SYNE1: variants seen among roughly 807,000 people sequenced by gnomAD.
The protein encoded by SYNE1 is spectrin repeat containing nuclear envelope protein 1, also known as nesprin-1.
SYNE1 carries 616 observed loss-of-function variants against 1,111.0 expected under a neutral mutation model. That is an observed-to-expected ratio of 0.55 (90% CI 0.52 to 0.59). SYNE1 has a LOEUF of 0.59. Ranked by LOEUF, SYNE1 falls within the 20% of genes least tolerant of loss-of-function variation. The pLI is 0.00. For synonymous variants in SYNE1, 3,855 were observed against 3,825.8 expected, an observed-to-expected ratio of 1.01 and a Z score of -0.28; for missense variants, 10,006 against 10,417.0, an observed-to-expected ratio of 0.96 and a Z score of 1.72.
At chr6:152,278,396 G>A in intron 97 of SYNE1, 116 bp from the exon 98 acceptor site, 2 of 1,265,516 alleles carry the variant, frequency 1.6e-6, no homozygotes, top group Non-Finnish European at 2.3e-6. Flanking sequence ...AGGCTTTCAT[G>A]ATTTTTTGTA....
intron 3 of SYNE1, among the ~76,000 whole-genome samples, chr6:152,541,843 G>A (rs901780290): frequency 6.6e-6 from 1 of 151,434 alleles, no homozygotes; most frequent in African/African-American, 2.4e-5. Context: ...TACCTATTGG[G>A]TAATATGCTC....
chr6:152,141,517 G>A (rs944216057), intron 138 of SYNE1, among the ~76,000 whole-genome samples, 188 bp from the exon 139 acceptor site: 3 of 151,944 alleles, frequency 2.0e-5, no homozygotes, highest in African/African-American at 7.3e-5. Context: ...AGCACTTTGG[G>A]AGGCCGAGGA....
chr6:152,498,944 AG>A (rs2099013989), intron 10 of SYNE1, 152 bp from the exon 11 acceptor site: 1 of 415,848 alleles, frequency 2.4e-6, no homozygotes, highest in African/African-American at 2.1e-5. Flanking sequence ...ACATTTTCAT[AG>A]CTTTTGAAAC....
chr6:152,302,908 G>A (rs1364014119), intron 91 of SYNE1, among the ~76,000 whole-genome samples: 1 of 151,956 alleles, frequency 6.6e-6, no homozygotes, highest in Non-Finnish European at 1.5e-5. Flanking sequence ...ATATAATCTG[G>A]ATAGCACATA....
At chr6:152,249,296 T>A (rs750805289) in intron 104 of SYNE1, 34 bp from the exon 105 acceptor site, 3 of 1,169,206 alleles carry the variant, frequency 2.6e-6, no homozygotes, top group Non-Finnish European at 3.9e-6. Flanking sequence ...ACTCAAAATG[T>A]GTAACAGGGA....
intron 82 of SYNE1, 101 bp from the exon 83 acceptor site, chr6:152,321,987 G>C (rs1025876793): frequency 7.5e-7 from 1 of 1,326,954 alleles, no homozygotes; most frequent in African/African-American, 1.5e-5. Flanking sequence ...GGGAAACCTA[G>C]TATCTTTTTT....
chr6:152,509,686 A>G (rs1350758879), intron 8 of SYNE1, among the ~76,000 whole-genome samples: 1 of 152,186 alleles, frequency 6.6e-6, no homozygotes, highest in Non-Finnish European at 1.5e-5. Flanking sequence ...AAAAAAATCT[A>G]CACTCTAGAT....
At chr6:152,484,184 C>T (rs1299722309) in intron 13 of SYNE1, among the ~76,000 whole-genome samples, 1 of 151,840 alleles carries the variant, frequency 6.6e-6, no homozygotes, top group Non-Finnish European at 1.5e-5. Flanking sequence ...TGCACTTTAG[C>T]CTGGGTGACA....
intron 41 of SYNE1, among the ~76,000 whole-genome samples, chr6:152,415,154 C>T (rs1430600483): frequency 6.6e-6 from 1 of 151,994 alleles, no homozygotes; most frequent in Non-Finnish European, 1.5e-5. Flanking sequence ...GCCCTGAAAA[C>T]AGGAGTCAGA....
chr6:152,366,804 C>T (rs1358889994), intron 62 of SYNE1, among the ~76,000 whole-genome samples: 1 of 152,200 alleles, frequency 6.6e-6, no homozygotes, highest in African/African-American at 2.4e-5. Context: ...TTATTTTCTT[C>T]ACAAATGCGA....
Position 152,193,958 on chromosome 6 carries a change from G to A in SYNE1, c.23146-4551C>T, listed in dbSNP as rs530464366. 6.1e-3 allele frequency among the ~76,000 whole-genome samples: 931 copies of A among 151,420 alleles called. 4 individuals carry two copies. The highest frequency in any genetic ancestry group is 0.01 in the Non-Finnish European group (679 of 67,828). The stretch of plus-strand genomic sequence containing the variant: ...AACCCAGGAGGCAGAGCTTGCAGTG[G>A]GCCAAGATCCCGCCACTGCACTCCA... On this transcript the variant is annotated intron_variant, in intron 127 of 145. Transcript: ENST00000367255.
intron 3 of SYNE1, among the ~76,000 whole-genome samples, chr6:152,574,511 C>G (rs753982313): frequency 5.3e-5 from 8 of 152,228 alleles, no homozygotes; most frequent in Non-Finnish European, 1.2e-4. Flanking sequence ...TCTTTCATGA[C>G]TCTCTTCAGT....
chr6:152,254,356 A>G (rs2090319277), intron 104 of SYNE1, among the ~76,000 whole-genome samples: 1 of 142,822 alleles, frequency 7.0e-6, no homozygotes, highest in Non-Finnish European at 1.5e-5. Flanking sequence ...GGTTCAAGCG[A>G]TCCTCCTGCC....
chr6:152,460,693 C>G (rs951974853), intron 21 of SYNE1, among the ~76,000 whole-genome samples: 7 of 151,218 alleles, frequency 4.6e-5, no homozygotes, highest in Non-Finnish European at 8.8e-5. Flanking sequence ...CCCAATGGAA[C>G]TTCCAAAGCT....
At chr6:152,525,098 C>T (rs2099157590) in intron 5 of SYNE1, among the ~76,000 whole-genome samples, 1 of 152,154 alleles carries the variant, frequency 6.6e-6, no homozygotes, top group South Asian at 2.1e-4. Flanking sequence ...GTGCCAGAAG[C>T]ATCTGCTACC....
In SYNE1 at chr6:152,505,283, G is replaced by T. The variant is rs1282829195; in HGVS notation, c.696C>A (p.Gly232=). The T allele has an allele frequency of 1.9e-6, 3 of 1,614,064 alleles. No homozygotes were observed. The highest frequency in any genetic ancestry group is 1.7e-6 in the Non-Finnish European group (2 of 1,179,994). ...CCTCCAAATTTTCTCGGTTGGATCT[G>T]CCTTTCACTGTCTCCAAGTCCACCA... ...PELVDLETVK[G]RSNRENLEDA... is the part of the protein sequence containing the mutation. Residue 232 remains glycine, a synonymous_variant, in exon 9 of 146, where the codon GGC becomes GGA. Coordinates refer to ENST00000367255, the MANE Select transcript of SYNE1 (RefSeq NM_182961.4).
intron 51 of SYNE1, among the ~76,000 whole-genome samples, chr6:152,393,452 T>C (rs955178692): frequency 6.6e-6 from 1 of 151,984 alleles, no homozygotes; most frequent in East Asian, 1.9e-4. Flanking sequence ...CAGAAAGTTA[T>C]ATGGTTGCAA....
intron 55 of SYNE1, 54 bp from the exon 56 acceptor site, chr6:152,381,416 C>A: frequency 6.3e-7 from 1 of 1,576,734 alleles, no homozygotes; most frequent in Non-Finnish European, 8.7e-7. Context: ...ACTTGGACTG[C>A]AAGTTTTCAA....
intron 14 of SYNE1, among the ~76,000 whole-genome samples, chr6:152,481,716 A>G (rs568961227): frequency 5.3e-5 from 8 of 151,730 alleles, no homozygotes; most frequent in Non-Finnish European, 1.0e-4. Context: ...TATTTTTAAT[A>G]TACTGGGGTG....
Sources: gnomAD v4.1 joint callset for allele counts (sites outside exome capture counted in the v4.1 genomes callset) on GRCh38, gnomAD v4.1.1 for gene constraint, MANE v1.5 for transcripts, NCBI Gene and HGNC (gene_info 2026-07-23, HGNC 2026-07-21) for gene names.